Variants in BMPR1B observed in about 807,000 individuals in gnomAD.
BMPR1B encodes bone morphogenetic protein receptor type 1B, also known as bone morphogenetic protein receptor type-1B.
BMPR1B carries 12 observed loss-of-function variants against 59.1 expected under a neutral mutation model. The observed-to-expected ratio is 0.20, with a 90% CI of 0.13 to 0.33. The LOEUF is 0.33. BMPR1B is among the 10% of genes least tolerant of loss of function. The pLI is 1.00. For synonymous variants in BMPR1B, 237 were observed against 207.3 expected (o/e 1.14, Z -1.23); for missense variants, 550 against 610.9 (o/e 0.90, Z 1.05).
chr4:94,761,433 G>A (rs1350035876), intron 1 of BMPR1B, among the ~76,000 whole-genome samples: 6 of 132,490 alleles, frequency 4.5e-5, no homozygotes, highest in African/African-American at 2.2e-4. Flanking sequence ...GTGTGTGTGT[G>A]TGTGTGTGTG....
At chr4:94,908,086 A>G (rs922566377) in intron 2 of BMPR1B, among the ~76,000 whole-genome samples, 36 of 122,128 alleles carry the variant, frequency 2.9e-4, no homozygotes, top group East Asian at 2.0e-4. Context: ...AAAAAAAAAA[A>G]AAAAGAAAAA....
chr4:94,972,187 T>C (rs886789490), intron 2 of BMPR1B, among the ~76,000 whole-genome samples: 2 of 151,578 alleles, frequency 1.3e-5, no homozygotes, highest in Non-Finnish European at 2.9e-5. Flanking sequence ...TAACATGAAC[T>C]CTTCTCTTCT....
intron 11 of BMPR1B, 59 bp downstream of exon 11, chr4:95,148,982 T>C: frequency 6.3e-7 from 1 of 1,594,530 alleles, no homozygotes. Flanking sequence ...ATCCTTTCTT[T>C]CTGATCAGAA....
intron 10 of BMPR1B, among the ~76,000 whole-genome samples, chr4:95,148,053 G>A (rs909973924): frequency 1.3e-5 from 2 of 151,956 alleles, no homozygotes; most frequent in Non-Finnish European, 2.9e-5. Flanking sequence ...GAAAAAAAAA[G>A]TTAAATGCTA....
chr4:94,913,340 C>T (rs1728359054), intron 2 of BMPR1B, among the ~76,000 whole-genome samples: 1 of 152,124 alleles, frequency 6.6e-6, no homozygotes, highest in Non-Finnish European at 1.5e-5. Flanking sequence ...AGCAAAAACT[C>T]TTGGAAAGAG....
chr4:94,813,814 T>A (rs1035587592), intron 1 of BMPR1B, among the ~76,000 whole-genome samples: 1 of 152,066 alleles, frequency 6.6e-6, no homozygotes, highest in Non-Finnish European at 1.5e-5. Context: ...AGACTGTATG[T>A]CCTGATGGAT....
chr4:95,152,541 G>C, intron 11 of BMPR1B, 102 bp from the exon 12 acceptor site: 1 of 1,083,928 alleles, frequency 9.2e-7, no homozygotes, highest in South Asian at 1.9e-5. Flanking sequence ...GAACTTGTCT[G>C]TAATACTGAT....
chr4:95,140,621 T>G (rs999644838), intron 10 of BMPR1B, among the ~76,000 whole-genome samples: 2 of 152,112 alleles, frequency 1.3e-5, no homozygotes, highest in Non-Finnish European at 2.9e-5. Flanking sequence ...TTCCCGGTCT[T>G]TGTCTGCTTG....
intron 3 of BMPR1B, among the ~76,000 whole-genome samples, chr4:95,028,724 G>A (rs1039221665): frequency 2.6e-5 from 4 of 152,074 alleles, no homozygotes; most frequent in Non-Finnish European, 5.9e-5. Flanking sequence ...GTAGATGTAT[G>A]CCTCTAAAAT....
At chr4:94,974,771 A>G (rs1394193677) in intron 2 of BMPR1B, among the ~76,000 whole-genome samples, 4 of 152,222 alleles carry the variant, frequency 2.6e-5, no homozygotes, top group Non-Finnish European at 5.9e-5. Flanking sequence ...TAGCACAGGC[A>G]GGGAACATAA....
At chr4:94,768,539 TAATC>T (rs1004244262) in intron 1 of BMPR1B, among the ~76,000 whole-genome samples, 3 of 152,110 alleles carry the variant, frequency 2.0e-5, no homozygotes, top group Non-Finnish European at 4.4e-5. Flanking sequence ...CTTTTGCACT[TAATC>T]AAAAAACACT....
At chr4:94,910,812 G>A (rs12640180) in intron 2 of BMPR1B, among the ~76,000 whole-genome samples, 2,653 of 151,996 alleles carry the variant, frequency 0.017, 242 homozygotes, top group Admixed American at 0.15. Flanking sequence ...CTCAGGAGGC[G>A]GAGGCAGGAG....
intron 1 of BMPR1B, among the ~76,000 whole-genome samples, chr4:94,776,021 G>C (rs968125611): frequency 1.3e-5 from 2 of 151,894 alleles, no homozygotes; most frequent in Non-Finnish European, 2.9e-5. Context: ...AACCTGGGAG[G>C]TGGGGCTTGC....
At chr4:95,115,643 T>C in intron 5 of BMPR1B, 42 bp from the exon 6 acceptor site, 1 of 1,532,142 alleles carries the variant, frequency 6.5e-7, no homozygotes, top group Non-Finnish European at 9.0e-7. Flanking sequence ...GACTTTGAAA[T>C]TTGGAAGAAA....
Position 95,144,491 on chromosome 4 carries a change from A to T in BMPR1B, c.1077-4257A>T, listed in dbSNP as rs547200750. 6.6e-3 allele frequency among the ~76,000 whole-genome samples: 982 copies of T among 148,890 alleles called. 4 individuals are homozygous for T. Among genetic ancestry groups the T allele is most frequent in the African/African-American group, 0.019 (743 of 39,574 alleles). ...ACCACACCAGGCCTTTTTTTTTTTTAAAAAAAATACTCATTGAAGCATGAT... is the reference window on the plus strand; with the variant it reads ...ACCACACCAGGCCTTTTTTTTTTTTTAAAAAAATACTCATTGAAGCATGAT... On this transcript the variant is annotated intron_variant, in intron 10 of 12. Coordinates refer to ENST00000515059, the MANE Select transcript of BMPR1B (RefSeq NM_001203.3).
chr4:94,903,527 T>TAA (rs34152934), intron 2 of BMPR1B, among the ~76,000 whole-genome samples: 6 of 150,996 alleles, frequency 4.0e-5, no homozygotes, highest in Non-Finnish European at 5.9e-5. Flanking sequence ...TTTTTTTTTT[T>TAA]AAAAAGACAA....
intron 2 of BMPR1B, among the ~76,000 whole-genome samples, chr4:94,947,167 G>A (rs118110096): frequency 0.015 from 2,221 of 152,272 alleles, 29 homozygotes; most frequent in South Asian, 0.037. Flanking sequence ...GTGTGTTTTT[G>A]TGATTCACTT....
At chr4:94,875,492 G>C (rs1473927656) in intron 1 of BMPR1B, among the ~76,000 whole-genome samples, 2 of 152,170 alleles carry the variant, frequency 1.3e-5, no homozygotes, top group Non-Finnish European at 2.9e-5. Context: ...AGACCATCCT[G>C]GCTAACACGG....
intron 1 of BMPR1B, among the ~76,000 whole-genome samples, chr4:94,806,045 A>T (rs1436552589): frequency 6.6e-6 from 1 of 152,176 alleles, no homozygotes; most frequent in Non-Finnish European, 1.5e-5. Context: ...ATATATTGGA[A>T]TCCAGTGCAA....
Sources: allele counts gnomAD v4.1 joint callset (sites outside exome capture counted in the v4.1 genomes callset), GRCh38; gene constraint gnomAD v4.1.1; transcripts MANE v1.5; gene names NCBI Gene and HGNC (gene_info 2026-07-23, HGNC 2026-07-21).